Variants in BCAS1 observed in about 807,000 individuals in gnomAD.
BCAS1 encodes brain enriched myelin associated protein 1.
A neutral mutation model predicts 65.4 loss-of-function variants in BCAS1; 46 were observed. That is an observed-to-expected ratio of 0.70 (90% CI 0.55 to 0.90). BCAS1 has a LOEUF of 0.90. Among genes scored for constraint, BCAS1 ranks in the 40% least tolerant of loss-of-function variants. The pLI is 0.00. For synonymous variants in BCAS1, 298 were observed against 293.5 expected, an observed-to-expected ratio of 1.02 and a Z score of -0.16; for missense variants, 793 against 771.2, an observed-to-expected ratio of 1.03 and a Z score of -0.33.
chr20:53,957,699 T>C (rs1887938218), intron 10 of BCAS1, among the ~76,000 whole-genome samples: 2 of 152,342 alleles, frequency 1.3e-5, no homozygotes, highest in South Asian at 4.1e-4. Context: ...AATTCAAGTG[T>C]TGGCCTCCAA....
At chr20:54,008,296 C>A (rs569754834) in intron 4 of BCAS1, among the ~76,000 whole-genome samples, 13 of 152,332 alleles carry the variant, frequency 8.5e-5, no homozygotes, top group African/African-American at 3.1e-4. Flanking sequence ...TGGTAATAAG[C>A]CCTCCCCACC....
intron 4 of BCAS1, among the ~76,000 whole-genome samples, chr20:54,012,919 T>C (rs746640044): frequency 7.2e-5 from 11 of 152,236 alleles, no homozygotes; most frequent in Admixed American, 2.0e-4. Context: ...GCTGCACTGA[T>C]TCTATCTCCT....
At chr20:53,959,256 ATT>A (rs112880912) in intron 10 of BCAS1, among the ~76,000 whole-genome samples, 2,038 of 141,922 alleles carry the variant, frequency 0.014, 61 homozygotes, top group African/African-American at 0.049. Context: ...ATGTCCAGCT[ATT>A]TTTTTTTTTT....
intron 4 of BCAS1, among the ~76,000 whole-genome samples, chr20:54,015,012 A>G (rs920428195): frequency 1.3e-5 from 2 of 151,770 alleles, no homozygotes; most frequent in African/African-American, 2.4e-5. Context: ...TACTAAAAAT[A>G]TTTTGCAGAA....
At chr20:54,004,018 C>T (rs1238094192) in intron 4 of BCAS1, among the ~76,000 whole-genome samples, 1 of 152,074 alleles carries the variant, frequency 6.6e-6, no homozygotes, top group Non-Finnish European at 1.5e-5. Context: ...GTGGTATGTC[C>T]GCGCACACAC....
chr20:53,985,837 C>G (rs559210500), intron 7 of BCAS1, among the ~76,000 whole-genome samples: 58 of 152,158 alleles, frequency 3.8e-4, no homozygotes, highest in Non-Finnish European at 7.1e-4. Context: ...TGGTTTCAAT[C>G]AAGTTCCCAT....
chr20:53,997,672 GAGA>G, intron 4 of BCAS1, among the ~76,000 whole-genome samples: 1 of 152,284 alleles, frequency 6.6e-6, no homozygotes, highest in South Asian at 2.1e-4. Context: ...TGCAAAAAAT[GAGA>G]AGGTTTCAAC....
intron 12 of BCAS1, among the ~76,000 whole-genome samples, chr20:53,949,394 TGGA>T (rs1370812851): frequency 6.6e-6 from 1 of 152,130 alleles, no homozygotes; most frequent in East Asian, 1.9e-4. Context: ...AGTAGCATGA[TGGA>T]GAAGGAGGAA....
intron 7 of BCAS1, among the ~76,000 whole-genome samples, chr20:53,988,615 TTCC>T (rs1317697451): frequency 6.6e-6 from 1 of 152,238 alleles, no homozygotes; most frequent in Non-Finnish European, 1.5e-5. Flanking sequence ...TAACTGGAAT[TTCC>T]ATCACCTCAA....
In BCAS1 at chr20:54,066,209, A is replaced by G. The variant is rs1366449403; in HGVS notation, c.-6+4224T>C. Among the ~76,000 whole-genome samples, 148 of 151,966 alleles carry G rather than the reference A, an allele frequency of 9.7e-4. 1 individual carries two copies. Among genetic ancestry groups the G allele is most frequent in the Non-Finnish European group, 8.8e-5 (6 of 67,988 alleles). On this transcript the variant is annotated intron_variant, in intron 1 of 12. Transcript: ENST00000688948. ...TGCCTCAGTCTCCCGAGTAGCTGGG[A>G]CTACAGGCGCCTGCCACCACGCCCG...
chr20:54,066,274 G>T (rs551182158), intron 1 of BCAS1, among the ~76,000 whole-genome samples: 1 of 152,212 alleles, frequency 6.6e-6, no homozygotes. Flanking sequence ...GGGTTTCCCC[G>T]TGTTAGCCAG....
At chr20:53,990,391 A>T (rs1273358612) in intron 7 of BCAS1, among the ~76,000 whole-genome samples, 1 of 152,214 alleles carries the variant, frequency 6.6e-6, no homozygotes, top group East Asian at 1.9e-4. Context: ...AGCTGACACT[A>T]AATGTATTTC....
chr20:54,022,052 G>A (rs765573357), intron 4 of BCAS1, among the ~76,000 whole-genome samples: 1 of 152,162 alleles, frequency 6.6e-6, no homozygotes, highest in Non-Finnish European at 1.5e-5. Context: ...TGCAGCATCT[G>A]TGAAGCACAA....
chr20:54,016,763 T>G (rs2091446827), intron 4 of BCAS1, among the ~76,000 whole-genome samples: 2 of 152,192 alleles, frequency 1.3e-5, no homozygotes, highest in South Asian at 4.1e-4. Flanking sequence ...AGATGGAAAT[T>G]GAGTCTGGAT....
At chr20:53,960,545 T>C (rs1476763868) in intron 10 of BCAS1, among the ~76,000 whole-genome samples, 1 of 151,694 alleles carries the variant, frequency 6.6e-6, no homozygotes, top group Non-Finnish European at 1.5e-5. Flanking sequence ...TTATTGCTTA[T>C]TTTGAGGCAT....
chr20:54,066,843 C>A (rs904342348), intron 1 of BCAS1, among the ~76,000 whole-genome samples: 2 of 152,210 alleles, frequency 1.3e-5, no homozygotes, highest in Non-Finnish European at 2.9e-5. Flanking sequence ...TACAGATCAT[C>A]TTCTAGTAAG....
At position 53,963,201 on chromosome 20, in the gene BCAS1, G is replaced by C. The variant is rs572413095; in HGVS notation, c.1485+3705C>G. ...ATTTCTAGAGAGAAAAAGATCTCTA[G>C]CTGGATGCAGTGGCTCATGCCTATA... On this transcript the variant is annotated intron_variant, in intron 10 of 12. Transcript: ENST00000688948. Among the ~76,000 whole-genome samples, 50 of 151,836 alleles carry C rather than the reference G, an allele frequency of 3.3e-4. 1 individual carries two copies. Among genetic ancestry groups the C allele is most frequent in the Admixed American group, 2.9e-3 (44 of 15,288 alleles).
At chr20:53,967,214 A>G in intron 9 of BCAS1, 141 bp from the exon 10 acceptor site, 1 of 821,760 alleles carries the variant, frequency 1.2e-6, no homozygotes, top group Non-Finnish European at 1.9e-6. Context: ...ACACAGGCAC[A>G]TCTTGGAGAA....
intron 6 of BCAS1, 70 bp downstream of exon 6, chr20:53,994,942 G>A: frequency 1.5e-6 from 2 of 1,328,290 alleles, no homozygotes; most frequent in Non-Finnish European, 2.1e-6. Context: ...AAACAAGCAG[G>A]CAGACACAAA....
Sources: gnomAD v4.1 joint callset for allele counts (sites outside exome capture counted in the v4.1 genomes callset) on GRCh38, gnomAD v4.1.1 for gene constraint, MANE v1.5 for transcripts, NCBI Gene and HGNC (gene_info 2026-07-23, HGNC 2026-07-21) for gene names.